The following RIPOR1 variants were observed in gnomAD, a reference collection of about 807,000 sequenced individuals.
RIPOR1 encodes rho family-interacting cell polarization regulator 1.
In RIPOR1, 58 loss-of-function variants were observed where a neutral mutation model predicts 116.5. That is an observed-to-expected ratio of 0.50 (90% CI 0.40 to 0.62). The LOEUF is 0.62. Among genes scored for constraint, RIPOR1 ranks in the 20% least tolerant of loss-of-function variants. RIPOR1 has a pLI of 0.00. For synonymous variants in RIPOR1, 605 were observed against 650.0 expected (o/e 0.93, Z 1.05); for missense variants, 1,372 against 1,586.2 (o/e 0.86, Z 2.29).
intron 2 of RIPOR1, 51 bp from the exon 3 acceptor site, chr16:67,538,621 G>C (rs745527672): frequency 6.2e-7 from 1 of 1,607,168 alleles, no homozygotes; most frequent in Non-Finnish European, 8.5e-7. Context: ...TGCGTAGTGA[G>C]AGTCTGGGGG....
In RIPOR1 at chr16:67,531,605, C is replaced by T. The variant is rs749246813; in HGVS notation, c.-24+2691C>T. 18 of 454,462 alleles carry T rather than the reference C, an allele frequency of 4.0e-5. No homozygotes were observed. Among genetic ancestry groups the T allele is most frequent in the South Asian group, 2.8e-4 (18 of 64,324 alleles). 28.2% of individuals were successfully genotyped at this position (454,462 alleles called of 1,614,324 possible). Reference sequence around the variant, plus strand: ...AAGGAATAGGAGCGATGGGGGCTGCCGGTCAGATTCTGAAGAACCTTGCAG... The same window carrying T: ...AAGGAATAGGAGCGATGGGGGCTGCTGGTCAGATTCTGAAGAACCTTGCAG... On this transcript the variant is annotated intron_variant, in intron 1 of 21. Coordinates refer to ENST00000042381, the MANE Select transcript of RIPOR1 (RefSeq NM_024519.4). This position sits in a 1 kb window ranked among gnomAD's most constrained non-coding sequence, Gnocchi z 4.2.
At chr16:67,524,188 G>C (rs983831783), upstream of RIPOR1, among the ~76,000 whole-genome samples, 1 of 152,216 alleles carries the variant, frequency 6.6e-6, no homozygotes, top group Non-Finnish European at 1.5e-5. Flanking sequence ...CATCAGAAAG[G>C]AGAAATGGCT....
Position 67,542,081 on chromosome 16 carries a change from C to T in RIPOR1, c.1295C>T (p.Ala432Val), listed in dbSNP as rs2051004199. ...TCTGGGCCCTTGGATGAGGAGGGGG[C>T]CGTGGCCCCAGTCCTGGCAAATGGG... ...PSSGPLDEEG[A>V]VAPVLANGHA... The change falls in exon 13 of 22, where the codon GCC becomes GTC. Residue 432 changes from alanine (A) to valine (V), a missense_variant. Physicochemically the swap from Ala to Val is moderately conservative, Grantham distance 64. Coordinates refer to ENST00000042381, the MANE Select transcript of RIPOR1 (RefSeq NM_024519.4). The surrounding 1 kb of genome is among the most constrained non-coding windows in gnomAD (Gnocchi z 4.6). The T allele has an allele frequency of 1.2e-6, 2 of 1,605,984 alleles. No homozygotes were observed. Among genetic ancestry groups the T allele is most frequent in the Non-Finnish European group, 1.7e-6 (2 of 1,173,914 alleles).
rs944177410 is a variant in RIPOR1 at position 67,531,327 on chromosome 16, C to A, written c.-24+2413C>A. Among the ~76,000 whole-genome samples, 3 of 151,802 alleles carry A rather than the reference C, an allele frequency of 2.0e-5. No homozygotes were observed. Among genetic ancestry groups the A allele is most frequent in the Admixed American group, 6.6e-5 (1 of 15,242 alleles). ...AGCCCAGCTTCCCCCACTGTTCCCC[C>A]CCTTCATCTCCCAGGTGCTACAGGA... On this transcript the variant is annotated intron_variant, in intron 1 of 21. Transcript: ENST00000042381. This position sits in a 1 kb window ranked among gnomAD's most constrained non-coding sequence, Gnocchi z 4.2.
rs1219411714 is a variant in RIPOR1 at position 67,537,731 on chromosome 16, G to T, written c.-23-693G>T. On this transcript the variant is annotated intron_variant, in intron 1 of 21. Coordinates refer to ENST00000042381, the MANE Select transcript of RIPOR1 (RefSeq NM_024519.4). This position sits in a 1 kb window ranked among gnomAD's most constrained non-coding sequence, Gnocchi z 4.6. ...CGAGGAGCTCTCCCCGCCGATGCCGGGGTGGAGGCGCACGTCCGTGACTCA... is the reference window on the plus strand; with the variant it reads ...CGAGGAGCTCTCCCCGCCGATGCCGTGGTGGAGGCGCACGTCCGTGACTCA... The T allele has an allele frequency of 3.9e-6, 2 of 510,188 alleles. No individual in the cohort carries two copies. Among genetic ancestry groups the T allele is most frequent in the Non-Finnish European group, 6.2e-6 (2 of 321,264 alleles). 31.6% of individuals were successfully genotyped at this position (510,188 alleles called of 1,614,324 possible).
chr16:67,539,443 G>A (rs972783121), intron 4 of RIPOR1: 3 of 553,200 alleles, frequency 5.4e-6, no homozygotes, highest in Non-Finnish European at 6.5e-6. Context: ...CCCTGCAGAG[G>A]GAACCTTGCA....
chr16:67,539,801 A>AAGG lies in RIPOR1; in HGVS notation c.361-43_361-41dup, dbSNP rs1188409514. On this transcript the variant is annotated intron_variant, in intron 5 of 21. Coordinates refer to ENST00000042381, the MANE Select transcript of RIPOR1 (RefSeq NM_024519.4). ...GAAGGGGTTGGCTCACAGGGAGGGT[A>AAGG]AGGACCCTGGGCCTCAGGCCCCTCC... 2.5e-6 allele frequency: 4 copies of AAGG among 1,614,170 alleles called. No homozygotes were observed. In the Admixed American group the frequency reaches 6.7e-5, roughly 27 times the overall value.
chr16:67,545,506 G>A lies in RIPOR1; in HGVS notation c.3162G>A (p.Glu1054=), dbSNP rs1295391576. 4 of 1,613,966 alleles carry A rather than the reference G, an allele frequency of 2.5e-6. No individual in the cohort carries two copies. The highest frequency in any genetic ancestry group is 1.1e-5 in the South Asian group (1 of 91,094). The change falls in exon 18 of 22, where the codon GAG becomes GAA. Residue 1054 remains glutamate (E), a synonymous_variant. Transcript: ENST00000042381. The surrounding 1 kb of genome is among the most constrained non-coding windows in gnomAD (Gnocchi z 4.8). The part of the protein sequence containing the change: ...FVETLDSPTM[E]AYVTETAEEV... Reference sequence around the variant, plus strand: ...AAACCTTGGACAGCCCCACCATGGAGGCCTACGTGACTGAGACCGCTGAGG... The same window carrying A: ...AAACCTTGGACAGCCCCACCATGGAAGCCTACGTGACTGAGACCGCTGAGG...
chr16:67,539,346 C>A, intron 4 of RIPOR1: 1 of 527,390 alleles, frequency 1.9e-6, no homozygotes, highest in Admixed American at 3.3e-5. Context: ...TGGTACTGAG[C>A]AGTGGTACTG....
In RIPOR1 at chr16:67,546,702, C is replaced by T; in HGVS notation, c.*239C>T. Reference sequence around the variant, plus strand: ...AAATCAGTGTCTGGGGCTTGGCCACCCTGCCGCTGCCCAGCCACATCCCTT... The same window carrying T: ...AAATCAGTGTCTGGGGCTTGGCCACTCTGCCGCTGCCCAGCCACATCCCTT... On this transcript the variant is annotated 3_prime_UTR_variant, in exon 22 of 22. Coordinates refer to ENST00000042381, the MANE Select transcript of RIPOR1 (RefSeq NM_024519.4). 1 of 564,936 alleles carries T rather than the reference C, an allele frequency of 1.8e-6. No individual in the cohort carries two copies. Among genetic ancestry groups the T allele is most frequent in the Non-Finnish European group, 3.2e-6 (1 of 317,336 alleles). 35.0% of individuals were successfully genotyped at this position (564,936 alleles called of 1,614,324 possible).
Position 67,539,016 on chromosome 16 carries a change from A to G in RIPOR1, c.284A>G (p.Glu95Gly). The change falls in exon 4 of 22, where the codon GAG becomes GGG. Residue 95 changes from glutamate to glycine, a missense_variant. By Grantham distance (98) the Glu-to-Gly change is moderately conservative (BLOSUM62 -2). Coordinates refer to ENST00000042381, the MANE Select transcript of RIPOR1 (RefSeq NM_024519.4). ...GCCTACTTGGAAGTGCACCAGCAGG[A>G]GCAAGAGAAACTCCAGGGGCAGATA... ...LTAYLEVHQQ[E>G]QEKLQGQIRE... 6.2e-7 allele frequency: 1 copy of G among 1,613,660 alleles called. No homozygotes were observed. Among genetic ancestry groups the G allele is most frequent in the Non-Finnish European group, 8.5e-7 (1 of 1,179,902 alleles).
At chr16:67,524,350 G>T (rs141328378), upstream of RIPOR1, among the ~76,000 whole-genome samples, 9 of 152,300 alleles carry the variant, frequency 5.9e-5, no homozygotes, top group Non-Finnish European at 1.3e-4. Flanking sequence ...ATACCCGCAA[G>T]CCTCATACCT....
At chr16:67,523,084 G>A (rs1225481917) in intron 1 of RIPOR1, among the ~76,000 whole-genome samples, 1 of 152,136 alleles carries the variant, frequency 6.6e-6, no homozygotes, top group East Asian at 1.9e-4. Flanking sequence ...TTGAGAGCAG[G>A]GGCCTTGCTG....
At position 67,539,884 on chromosome 16, in the gene RIPOR1, G is replaced by A; in HGVS notation, c.399G>A (p.Glu133=). 1.9e-6 allele frequency: 3 copies of A among 1,614,200 alleles called. No individual in the cohort carries two copies. The highest frequency in any genetic ancestry group is 2.5e-6 in the Non-Finnish European group (3 of 1,180,026). ...TTGAACGCTTCCTGCGACGACTGGAGTTCCATGCCAGCAAGGTACGAGTGC... is the reference window on the plus strand; with the variant it reads ...TTGAACGCTTCCTGCGACGACTGGAATTCCATGCCAGCAAGGTACGAGTGC... ...KSIERFLRRL[E]FHASKIDELY... Residue 133 remains glutamate (E), a synonymous_variant, in exon 6 of 22, where the codon GAG becomes GAA. Coordinates refer to ENST00000042381, the MANE Select transcript of RIPOR1 (RefSeq NM_024519.4).
rs1567561374 is a variant in RIPOR1, at chr16:67,529,903, G to A, written c.-24+989G>A. The A allele has an allele frequency of 1.5e-6, 2 of 1,331,440 alleles. No homozygotes were observed. The highest frequency in any genetic ancestry group is 2.1e-6 in the Non-Finnish European group (2 of 960,184). The allele number at this position is 1,331,440 out of a possible 1,614,324, so 82.5% of individuals were successfully genotyped here. A position where few individuals can be genotyped will look rare whatever the true frequency, so the allele number is the denominator to read the frequency against. On this transcript the variant is annotated intron_variant, in intron 1 of 21. Transcript: ENST00000042381. This position sits in a 1 kb window ranked among gnomAD's most constrained non-coding sequence, Gnocchi z 4.1. ...GTCACACAGCTGGTTTGGGAGAAGC[G>A]AGGATTAGATCTGAGTCCTTGCCCC... is the stretch of plus-strand genomic sequence containing the variant.
Position 67,539,657 on chromosome 16 carries a change from G to T in RIPOR1, c.337-71G>T, listed in dbSNP as rs201704375. 3.8e-6 allele frequency: 6 copies of T among 1,569,612 alleles called. No individual in the cohort carries two copies. The East Asian group carries it at 6.7e-5, about 18-fold the overall frequency. ...TGGTGTGAGAAAGGGGAGCTGTGACGAGTCTGAGTGCCTCTGCTGGAGTCC... is the reference window on the plus strand; with the variant it reads ...TGGTGTGAGAAAGGGGAGCTGTGACTAGTCTGAGTGCCTCTGCTGGAGTCC... On this transcript the variant is annotated intron_variant, in intron 4 of 21. Coordinates refer to ENST00000042381, the MANE Select transcript of RIPOR1 (RefSeq NM_024519.4).
In RIPOR1 at chr16:67,546,681, C is replaced by A; in HGVS notation, c.*218C>A. 1.7e-6 allele frequency: 1 copy of A among 579,942 alleles called. No individual in the cohort carries two copies. The allele number at this position is 579,942 out of a possible 1,614,324, so 35.9% of individuals were successfully genotyped here. ...GCTCAGCACATCCCTTGCCACAAAT[C>A]AGTGTCTGGGGCTTGGCCACCCTGC... On this transcript the variant is annotated 3_prime_UTR_variant, in exon 22 of 22. Transcript: ENST00000042381.
chr16:67,544,159 C>T lies in RIPOR1; in HGVS notation c.2601-140C>T. 1 of 1,115,322 alleles carries T rather than the reference C, an allele frequency of 9.0e-7. No homozygotes were observed. The highest frequency in any genetic ancestry group is 1.3e-6 in the Non-Finnish European group (1 of 796,764). The allele number at this position is 1,115,322 out of a possible 1,614,324, so 69.1% of individuals were successfully genotyped here. On this transcript the variant is annotated intron_variant, in intron 14 of 21. Transcript: ENST00000042381. This position sits in a 1 kb window ranked among gnomAD's most constrained non-coding sequence, Gnocchi z 5.1. ...CAGCCCCTTCCTCCTTCTGGAAATC[C>T]TCCATGAACTTACCCCACTGTCTGC...
In RIPOR1 at chr16:67,542,048, C is replaced by T. The variant is rs749975909; in HGVS notation, c.1262C>T (p.Thr421Ile). The T allele has an allele frequency of 6.2e-7, 1 of 1,606,116 alleles. No homozygotes were observed. Among genetic ancestry groups the T allele is most frequent in the South Asian group, 1.1e-5 (1 of 90,802 alleles). The change falls in exon 13 of 22, where the codon ACC becomes ATC. Residue 421 changes from threonine (T) to isoleucine (I), a missense_variant. Thr to Ile is a moderately conservative substitution (Grantham distance 89, BLOSUM62 -1). Transcript: ENST00000042381. The surrounding 1 kb of genome is among the most constrained non-coding windows in gnomAD (Gnocchi z 4.6). ...PIQVAFRRPE[T>I]PSSGPLDEEG... ...CAAGTTGCCTTCCGCAGGCCTGAGA[C>T]CCCCAGCTCTGGGCCCTTGGATGAG...
Sources: allele counts gnomAD v4.1 joint callset (sites outside exome capture counted in the v4.1 genomes callset), GRCh38; gene constraint gnomAD v4.1.1; non-coding constraint Gnocchi (gnomAD v3.1); transcripts MANE v1.5; gene names NCBI Gene and HGNC (gene_info 2026-07-23, HGNC 2026-07-21).